Variants in HEPHL1 observed in about 807,000 individuals in gnomAD.
HEPHL1 encodes the protein hephaestin like 1.
Under a neutral mutation model 122.0 loss-of-function variants are expected in HEPHL1, and 123 were observed. That is an observed-to-expected ratio of 1.01 (90% confidence interval 0.87 to 1.17). The LOEUF is 1.17. HEPHL1 is among the 50% of genes most tolerant of loss of function. The pLI, the probability that HEPHL1 is intolerant of heterozygous loss-of-function variation, is 0.00. For synonymous variants in HEPHL1, 527 were observed against 508.9 expected (o/e 1.04, Z -0.48); for missense variants, 1,452 against 1,430.5 (o/e 1.01, Z -0.24).
In HEPHL1 at chr11:94,111,911, C is replaced by A; in HGVS notation, c.*17C>A. On this transcript the variant is annotated 3_prime_UTR_variant, in exon 20 of 20. Transcript: ENST00000315765. ...GCTCTGTGAACCATCTGGTCTCCCT[C>A]AACAGGAAAGGGTGATGTCCCACAG... 1 of 1,494,644 alleles carries A rather than the reference C, an allele frequency of 6.7e-7. No homozygotes were observed. Among genetic ancestry groups the A allele is most frequent in the Non-Finnish European group, 8.9e-7 (1 of 1,121,082 alleles). 92.6% of individuals were successfully genotyped at this position (1,494,644 alleles called of 1,614,324 possible).
rs560380759 is a variant in HEPHL1 at position 94,104,715 on chromosome 11, G to A, written c.2870G>A (p.Arg957His). The stretch of plus-strand genomic sequence containing the variant: ...AACAAAGATCCACGAGATTTTAAGC[G>A]CACTGATGATTTTGAGGAAAGCAAC... ...YLNKDPRDFKRTDDFEESNRM... is the reference protein window; with the variant it reads ...YLNKDPRDFKHTDDFEESNRM... Residue 957 changes from arginine to histidine, a missense_variant, in exon 16 of 20, where the codon CGC becomes CAC. By Grantham distance (29) the Arg-to-His change is conservative. Transcript: ENST00000315765. 7.9e-5 allele frequency: 128 copies of A among 1,613,632 alleles called. No homozygotes were observed. The East Asian group carries it at 1.6e-3, about 20-fold the overall frequency.
intron 2 of HEPHL1, among the ~76,000 whole-genome samples, chr11:94,049,618 T>TAAA (rs3995730): frequency 0.16 from 22,687 of 138,260 alleles, 2,177 homozygotes; most frequent in African/African-American, 0.23. Context: ...TAGGATGTAG[T>TAAA]AAAAAAAAAA....
intron 1 of HEPHL1, among the ~76,000 whole-genome samples, chr11:94,031,331 TACACACACACACAC>T (rs3058474): frequency 1.9e-4 from 27 of 144,608 alleles, no homozygotes; most frequent in South Asian, 7.1e-4. Context: ...TGTGCATTGT[TACACACACACACAC>T]ACACACACAC....
At chr11:94,065,724 C>A (rs531950521) in intron 4 of HEPHL1, among the ~76,000 whole-genome samples, 69 of 152,254 alleles carry the variant, frequency 4.5e-4, no homozygotes, top group Middle Eastern at 3.4e-3. Flanking sequence ...ATATCCTTTA[C>A]AAAATGGGAG....
At position 94,094,173 on chromosome 11, in the gene HEPHL1, G is replaced by A. The variant is rs183894322; in HGVS notation, c.2434+533G>A. On this transcript the variant is annotated intron_variant, in intron 13 of 19. Coordinates refer to ENST00000315765, the MANE Select transcript of HEPHL1 (RefSeq NM_001098672.2). Reference sequence around the variant, plus strand: ...CTGCCCCTACCCCACGACAGGCCCTGGTGTGTGATGTTCCCCTTCCTGTGT... The same window carrying A: ...CTGCCCCTACCCCACGACAGGCCCTAGTGTGTGATGTTCCCCTTCCTGTGT... 2.3e-3 allele frequency among the ~76,000 whole-genome samples: 351 copies of A among 151,206 alleles called. 2 individuals are homozygous for A. The East Asian group carries it at 0.032, about 14-fold the overall frequency.
intron 12 of HEPHL1, among the ~76,000 whole-genome samples, chr11:94,089,955 C>T (rs1309905364): frequency 6.6e-6 from 1 of 152,132 alleles, no homozygotes; most frequent in African/African-American, 2.4e-5. Context: ...ACTCCCCTCC[C>T]CTCACCTCAT....
chr11:94,059,216 C>T (rs1463975806), intron 2 of HEPHL1, among the ~76,000 whole-genome samples: 1 of 152,114 alleles, frequency 6.6e-6, no homozygotes, highest in Non-Finnish European at 1.5e-5. Flanking sequence ...GAGATTTTCT[C>T]ATATTAGTAC....
rs571008719 is a variant in HEPHL1 at position 94,060,425 on chromosome 11, G to C, written c.416-3083G>C. 5.3e-5 allele frequency among the ~76,000 whole-genome samples: 8 copies of C among 151,994 alleles called. No homozygotes were observed. The South Asian group carries it at 1.5e-3, about 28-fold the overall frequency. ...TTAGGCACATGTTATAAATGAATAA[G>C]ATAGTTTACTGAAAGGCTACTATAT... On this transcript the variant is annotated intron_variant, in intron 2 of 19. Coordinates refer to ENST00000315765, the MANE Select transcript of HEPHL1 (RefSeq NM_001098672.2).
intron 2 of HEPHL1, among the ~76,000 whole-genome samples, chr11:94,060,664 G>C (rs1945979997): frequency 6.6e-6 from 1 of 152,072 alleles, no homozygotes; most frequent in African/African-American, 2.4e-5. Context: ...CTTAACCAGT[G>C]GCTCTACTGC....
chr11:94,078,446 C>CATATATATATATAGATATAT (rs1946143646), intron 9 of HEPHL1, among the ~76,000 whole-genome samples: 1 of 111,480 alleles, frequency 9.0e-6, no homozygotes, highest in South Asian at 2.8e-4. Flanking sequence ...TCAGATGTTC[C>CATATATATATATAGATATAT]ATATATATAT....
intron 13 of HEPHL1, among the ~76,000 whole-genome samples, chr11:94,096,819 G>A (rs185509747): frequency 3.2e-4 from 48 of 152,290 alleles, no homozygotes; most frequent in African/African-American, 1.1e-3. Flanking sequence ...GGTGTTTATA[G>A]TATTCTCTGA....
rs16919866 is a variant in HEPHL1 at position 94,045,928 on chromosome 11, A to G, written c.415+11A>G. On this transcript the variant is annotated intron_variant, in intron 2 of 19. Coordinates refer to ENST00000315765, the MANE Select transcript of HEPHL1 (RefSeq NM_001098672.2). ...ACAAAGATTCAGAAGGTAAATATCA[A>G]TCCTTTATTACTGGGGTCTTGTCTC... 3.6e-3 allele frequency: 5,870 copies of G among 1,612,230 alleles called. 225 individuals are homozygous for G. In the African/African-American group the frequency reaches 0.069, roughly 19 times the overall value.
At chr11:94,047,310 A>G (rs900406347) in intron 2 of HEPHL1, among the ~76,000 whole-genome samples, 1 of 152,168 alleles carries the variant, frequency 6.6e-6, no homozygotes, top group African/African-American at 2.4e-5. Context: ...TCACCCAGGA[A>G]TTAAGCCTAG....
intron 1 of HEPHL1, among the ~76,000 whole-genome samples, chr11:94,042,936 T>C (rs1253849345): frequency 6.9e-6 from 1 of 144,908 alleles, no homozygotes; most frequent in African/African-American, 2.5e-5. Flanking sequence ...GTGGATTGAA[T>C]ACTCTGTTAG....
intron 12 of HEPHL1, among the ~76,000 whole-genome samples, chr11:94,090,427 G>C (rs1946256450): frequency 6.6e-6 from 1 of 152,114 alleles, no homozygotes; most frequent in Non-Finnish European, 1.5e-5. Flanking sequence ...CCTACTTTAA[G>C]TCTCCATCCC....
At chr11:94,055,702 G>A in intron 2 of HEPHL1, 1 of 381,192 alleles carries the variant, frequency 2.6e-6, no homozygotes. Flanking sequence ...AATGCACTCT[G>A]TGATCTTGAC....
intron 1 of HEPHL1, among the ~76,000 whole-genome samples, chr11:94,028,593 T>C (rs910251775): frequency 5.9e-5 from 9 of 152,224 alleles, no homozygotes; most frequent in Non-Finnish European, 1.2e-4. Flanking sequence ...TTAACCTTCC[T>C]GGCCCCACTG....
intron 9 of HEPHL1, 96 bp downstream of exon 9, chr11:94,075,481 C>A: frequency 2.3e-6 from 2 of 864,622 alleles, no homozygotes; most frequent in South Asian, 1.6e-5. Context: ...TTACAAAAAG[C>A]AATTTGTCTT....
At chr11:94,049,137 AAC>A (rs1221693952) in intron 2 of HEPHL1, among the ~76,000 whole-genome samples, 13 of 152,134 alleles carry the variant, frequency 8.5e-5, no homozygotes, top group Admixed American at 4.6e-4. Context: ...AACAAAAAAA[AAC>A]AAAACAAAAA....
Sources: gnomAD v4.1 joint callset for allele counts (sites outside exome capture counted in the v4.1 genomes callset) on GRCh38, gnomAD v4.1.1 for gene constraint, MANE v1.5 for transcripts, NCBI Gene and HGNC (gene_info 2026-07-23, HGNC 2026-07-21) for gene names.